The following CHST12 variants were observed in gnomAD, a reference collection of about 807,000 sequenced individuals.
The protein encoded by CHST12 is carbohydrate sulfotransferase 12.
In CHST12, 23 loss-of-function variants were observed where a neutral mutation model predicts 27.9. The ratio of observed to expected loss-of-function variants is 0.82; its 90% CI spans 0.59 to 1.17. CHST12 has a LOEUF of 1.17. Ranked by LOEUF, CHST12 falls within the 50% of genes most tolerant of loss-of-function variation. The probability of loss-of-function intolerance (pLI) is 0.00; values close to 1 mark genes in which losing one functional copy is unlikely to be tolerated. For synonymous variants in CHST12, 322 were observed against 273.0 expected (o/e 1.18, Z -1.77); for missense variants, 682 against 603.0 (o/e 1.13, Z -1.37).
chr7:2,432,444 T>G, intron 1 of CHST12, 119 bp from the exon 2 acceptor site: 1 of 628,254 alleles, frequency 1.6e-6, no homozygotes, highest in Non-Finnish European at 2.7e-6. Context: ...GAGGGCGAGC[T>G]GATATCACGT....
intron 1 of CHST12, among the ~76,000 whole-genome samples, chr7:2,430,404 C>T (rs182149149): frequency 2.6e-5 from 4 of 152,254 alleles, no homozygotes; most frequent in African/African-American, 7.2e-5. Flanking sequence ...CAACCTCTGC[C>T]TCCTGGGTTC....
chr7:2,421,028 C>T (rs1390081358), intron 1 of CHST12, among the ~76,000 whole-genome samples: 1 of 151,530 alleles, frequency 6.6e-6, no homozygotes, highest in Non-Finnish European at 1.5e-5. Context: ...GCACCTGGCC[C>T]CTCATATGGT....
intron 1 of CHST12, among the ~76,000 whole-genome samples, chr7:2,420,158 A>G (rs1781931051): frequency 6.6e-6 from 1 of 151,516 alleles, no homozygotes; most frequent in Non-Finnish European, 1.5e-5. Flanking sequence ...TATTTTTAGT[A>G]GAGACGGGGT....
At chr7:2,414,575 G>A (rs1486868831) in intron 1 of CHST12, among the ~76,000 whole-genome samples, 6 of 152,182 alleles carry the variant, frequency 3.9e-5, no homozygotes, top group African/African-American at 1.2e-4. Flanking sequence ...GTGAGCCACC[G>A]TGCCCAGCCT....
At chr7:2,415,764 C>A (rs968534075) in intron 1 of CHST12, among the ~76,000 whole-genome samples, 7 of 152,032 alleles carry the variant, frequency 4.6e-5, no homozygotes, top group African/African-American at 1.7e-4. Flanking sequence ...AGGCGCCCGC[C>A]ACCACGCCTG....
At position 2,435,790 on chromosome 7, in the gene CHST12, C is replaced by G. The variant is rs367629918; in HGVS notation, c.*1906C>G. On this transcript the variant is annotated 3_prime_UTR_variant, in exon 2 of 2. Coordinates refer to ENST00000618655, the MANE Select transcript of CHST12 (RefSeq NM_018641.5). ...TGTTAGACACCTCCTGCCTTCCTTT[C>G]TGAAGCTTCGCTTTCTTTTATTTTT... The G allele has an allele frequency of 1.3e-5, 2 of 152,348 alleles. No individual in the cohort carries two copies. Among genetic ancestry groups the G allele is most frequent in the Admixed American group, 6.5e-5 (1 of 15,278 alleles). 9.4% of individuals were successfully genotyped at this position (152,348 alleles called of 1,614,324 possible).
chr7:2,433,678 G>A lies in CHST12; in HGVS notation c.1039G>A (p.Glu347Lys), dbSNP rs771140571. Residue 347 changes from glutamate to lysine, a missense_variant, in exon 2 of 2, where the codon GAG becomes AAG. Coordinates refer to ENST00000618655, the MANE Select transcript of CHST12 (RefSeq NM_018641.5). The surrounding 1 kb of genome is among the most constrained non-coding windows in gnomAD (Gnocchi z 6.1). ...CGTGGGGAAGCTGGAGACTCTGGAC[G>A]AGGACGCCGCGCAGCTGCTGCAGCT... Reference protein sequence around the residue: ...DFVGKLETLDEDAAQLLQLLQ... With the variant: ...DFVGKLETLDKDAAQLLQLLQ... 1 of 1,613,470 alleles carries A rather than the reference G, an allele frequency of 6.2e-7. No homozygotes were observed. Among genetic ancestry groups the A allele is most frequent in the Non-Finnish European group, 8.5e-7 (1 of 1,179,752 alleles).
At chr7:2,410,790 G>A (rs1371091874) in intron 1 of CHST12, among the ~76,000 whole-genome samples, 1 of 152,102 alleles carries the variant, frequency 6.6e-6, no homozygotes, top group Non-Finnish European at 1.5e-5. Context: ...GTCGCCGAGG[G>A]GGACTGTGAT....
intron 1 of CHST12, among the ~76,000 whole-genome samples, chr7:2,422,197 C>T (rs1702585049): frequency 6.6e-6 from 1 of 152,118 alleles, no homozygotes; most frequent in Admixed American, 6.6e-5. Context: ...CAACTTCCCT[C>T]TCAAGTTGTT....
rs554030477 is a variant in CHST12 at position 2,425,345 on chromosome 7, A to G, written c.-77-7218A>G. Among the ~76,000 whole-genome samples, 4 of 152,194 alleles carry G rather than the reference A, an allele frequency of 2.6e-5. No individual in the cohort carries two copies. In the South Asian group the frequency reaches 8.3e-4, roughly 32 times the overall value. ...CAGACAAGGGTGAGTGCCAGGAGAG[A>G]GGGGTCCAGACTGTTGGGCTCTTCC... On this transcript the variant is annotated intron_variant, in intron 1 of 1. Transcript: ENST00000618655.
chr7:2,430,577 C>T (rs972258252), intron 1 of CHST12, among the ~76,000 whole-genome samples: 3 of 151,520 alleles, frequency 2.0e-5, no homozygotes, highest in Non-Finnish European at 4.4e-5. Context: ...CTTGGCCTCC[C>T]AAAGTGCTGG....
At chr7:2,414,461 T>C (rs1358561023) in intron 1 of CHST12, among the ~76,000 whole-genome samples, 2 of 151,880 alleles carry the variant, frequency 1.3e-5, no homozygotes, top group African/African-American at 4.8e-5. Flanking sequence ...TTTTTTGTAA[T>C]TTTAGTGGAG....
rs577818081 is a variant in CHST12, at chr7:2,424,937, G to T, written c.-77-7626G>T. On this transcript the variant is annotated intron_variant, in intron 1 of 1. Coordinates refer to ENST00000618655, the MANE Select transcript of CHST12 (RefSeq NM_018641.5). ...GACCCCGCTCCAGGCCGGGCGTGGT[G>T]GCTCACGCCTGTAATCCCAGCACTT... 1.3e-3 allele frequency among the ~76,000 whole-genome samples: 202 copies of T among 152,286 alleles called. 3 individuals are homozygous for T. The highest frequency in any genetic ancestry group is 8.5e-3 in the South Asian group (41 of 4,832).
At chr7:2,421,227 CTTTT>C (rs60332594) in intron 1 of CHST12, among the ~76,000 whole-genome samples, 5 of 92,006 alleles carry the variant, frequency 5.4e-5, no homozygotes, top group South Asian at 8.2e-4. Context: ...CCTGCTAATT[CTTTT>C]TTTTTTTTTT....
At chr7:2,414,315 G>A (rs1321220625) in intron 1 of CHST12, among the ~76,000 whole-genome samples, 1 of 150,102 alleles carries the variant, frequency 6.7e-6, no homozygotes, top group African/African-American at 2.5e-5. Context: ...CAGAGTTTTG[G>A]TCTTGTCACC....
rs750508134 is a variant in CHST12 at position 2,432,779 on chromosome 7, C to G, written c.140C>G (p.Pro47Arg). Residue 47 changes from proline to arginine, a missense_variant, in exon 2 of 2, where the codon CCG (proline) becomes CGG (arginine). Physicochemically the swap from Pro to Arg is moderately radical, Grantham distance 103. Transcript: ENST00000618655. The part of the protein sequence containing the change: ...HTSFSRPHTG[P>R]PLPTPGPDRD... Reference sequence around the variant, plus strand: ...TCCTTCTCTAGGCCGCACACGGGGCCGCCGCTGCCCACGCCCGGGCCGGAC... The same window carrying G: ...TCCTTCTCTAGGCCGCACACGGGGCGGCCGCTGCCCACGCCCGGGCCGGAC... 6.2e-6 allele frequency: 10 copies of G among 1,613,676 alleles called. No individual in the cohort carries two copies. The South Asian group carries it at 9.9e-5, about 16-fold the overall frequency.
chr7:2,408,686 C>T (rs1029278122), intron 1 of CHST12, among the ~76,000 whole-genome samples: 1 of 152,186 alleles, frequency 6.6e-6, no homozygotes, highest in African/African-American at 2.4e-5. Context: ...AAGACAACTT[C>T]AGACTTGCTC....
At position 2,442,838 on chromosome 7, in the gene CHST12, T is replaced by G. The variant is rs990911998; in HGVS notation, c.*8954T>G. 1 of 152,380 alleles carries G rather than the reference T, an allele frequency of 6.6e-6. No individual in the cohort carries two copies. Among genetic ancestry groups the G allele is most frequent in the African/African-American group, 2.4e-5 (1 of 41,454 alleles). The allele number at this position is 152,380 out of a possible 1,614,324, so 9.4% of individuals were successfully genotyped here. A position where few individuals can be genotyped will look rare whatever the true frequency, so the allele number is the denominator to read the frequency against. On this transcript the variant is annotated 3_prime_UTR_variant, in exon 2 of 2. Coordinates refer to ENST00000618655, the MANE Select transcript of CHST12 (RefSeq NM_018641.5). ...GATCAGCGGCGGCATTAGATTCTCA[T>G]AGGAGCGGGAACCCTCCTGTGAACC...
rs2115464086 is a variant in CHST12 at position 2,442,335 on chromosome 7, G to A, written c.*8451G>A. ...CGGCTCTTGTGAATAATGCTGCTGT[G>A]AACACGGGTGTGCAGATACCTGTTC... On this transcript the variant is annotated 3_prime_UTR_variant, in exon 2 of 2. Coordinates refer to ENST00000618655, the MANE Select transcript of CHST12 (RefSeq NM_018641.5). 6.6e-6 allele frequency: 1 copy of A among 152,328 alleles called. No homozygotes were observed. Among genetic ancestry groups the A allele is most frequent in the African/African-American group, 2.4e-5 (1 of 41,558 alleles). The allele number at this position is 152,328 out of a possible 1,614,324, so 9.4% of individuals were successfully genotyped here. A position where few individuals can be genotyped will look rare whatever the true frequency, so the allele number is the denominator to read the frequency against.
Sources: gnomAD v4.1 joint callset for allele counts (sites outside exome capture counted in the v4.1 genomes callset) on GRCh38, gnomAD v4.1.1 for gene constraint, Gnocchi (gnomAD v3.1) non-coding constraint, MANE v1.5 for transcripts, NCBI Gene and HGNC (gene_info 2026-07-23, HGNC 2026-07-21) for gene names.